RUFY1: variants seen among roughly 807,000 people sequenced by gnomAD.
RUFY1 encodes the protein RUN and FYVE domain-containing protein 1.
Under a neutral mutation model 94.6 loss-of-function variants are expected in RUFY1, and 54 were observed. The observed-to-expected ratio is 0.57, with a 90% CI of 0.46 to 0.72. The LOEUF (loss-of-function observed/expected upper bound fraction) is 0.72, where lower values mean the gene tolerates loss of function less well. Among genes scored for constraint, RUFY1 ranks in the 30% least tolerant of loss-of-function variants. RUFY1 has a pLI of 0.00. For missense variants in RUFY1, 883 were observed against 883.9 expected (o/e 1.00, Z 0.01); for synonymous variants, 396 against 347.3 (o/e 1.14, Z -1.56).
intron 11 of RUFY1, among the ~76,000 whole-genome samples, chr5:179,594,211 A>G (rs1009911446): frequency 1.3e-5 from 2 of 152,048 alleles, no homozygotes; most frequent in African/African-American, 4.8e-5. Flanking sequence ...CTGAGGCAGG[A>G]GAATTGCTTG....
At chr5:179,603,515 C>A (rs1375323689) in intron 15 of RUFY1, 1 of 152,732 alleles carries the variant, frequency 6.5e-6, no homozygotes, top group Admixed American at 6.5e-5. Flanking sequence ...CCTTCCCAAC[C>A]CCCAGGGAGC....
intron 7 of RUFY1, among the ~76,000 whole-genome samples, chr5:179,584,987 C>T (rs191000228): frequency 8.6e-5 from 13 of 151,864 alleles, no homozygotes; most frequent in African/African-American, 9.7e-5. Context: ...TACAATTAGC[C>T]GAGCATGTTG....
At chr5:179,572,289 G>T in intron 5 of RUFY1, 1 of 210,282 alleles carries the variant, frequency 4.8e-6, no homozygotes, top group Non-Finnish European at 1.0e-5. Context: ...TCTACCCTCT[G>T]GACTTCACTT....
At chr5:179,560,663 T>A (rs1762383924) in intron 2 of RUFY1, among the ~76,000 whole-genome samples, 2 of 145,044 alleles carry the variant, frequency 1.4e-5, no homozygotes, top group Non-Finnish European at 1.5e-5. Context: ...GAGGCGGAGG[T>A]TGCAGTGAGC....
At chr5:179,556,513 T>G (rs916712406) in intron 1 of RUFY1, among the ~76,000 whole-genome samples, 8 of 152,072 alleles carry the variant, frequency 5.3e-5, no homozygotes, top group Non-Finnish European at 1.0e-4. Context: ...TTGCGTTTTT[T>G]TTTTTTGAGA....
chr5:179,559,681 T>C (rs1334258517), intron 1 of RUFY1: 41 of 1,039,646 alleles, frequency 3.9e-5, no homozygotes, highest in Non-Finnish European at 4.6e-5. Context: ...GGTAGCGCCC[T>C]TCCATTGGTC....
intron 1 of RUFY1, among the ~76,000 whole-genome samples, chr5:179,558,780 G>T (rs986271484): frequency 5.9e-5 from 9 of 152,140 alleles, no homozygotes; most frequent in East Asian, 5.8e-4. Context: ...CAAGTTCACG[G>T]CCATAATATT....
At chr5:179,575,986 G>T (rs1763584059) in intron 5 of RUFY1, among the ~76,000 whole-genome samples, 1 of 152,034 alleles carries the variant, frequency 6.6e-6, no homozygotes, top group Non-Finnish European at 1.5e-5. Context: ...TCACTGTGTT[G>T]CCCAGGCTGG....
At chr5:179,579,661 T>TTC (rs1763952328) in intron 6 of RUFY1, among the ~76,000 whole-genome samples, 1 of 83,246 alleles carries the variant, frequency 1.2e-5, no homozygotes, top group Non-Finnish European at 2.3e-5. Flanking sequence ...CTTCTTCTTT[T>TTC]TTTTTTTTTT....
At chr5:179,580,070 T>C (rs1184610816) in intron 6 of RUFY1, among the ~76,000 whole-genome samples, 2 of 152,048 alleles carry the variant, frequency 1.3e-5, no homozygotes, top group Non-Finnish European at 2.9e-5. Context: ...TTCCACACTG[T>C]GGTATATTTT....
At chr5:179,592,485 C>T (rs1180748308) in intron 10 of RUFY1, among the ~76,000 whole-genome samples, 1 of 151,936 alleles carries the variant, frequency 6.6e-6, no homozygotes, top group Non-Finnish European at 1.5e-5. Context: ...AACTCCTGAC[C>T]TCGTGATCCA....
chr5:179,574,232 C>CA (rs1562002100), intron 5 of RUFY1, among the ~76,000 whole-genome samples: 1 of 151,816 alleles, frequency 6.6e-6, no homozygotes, highest in Non-Finnish European at 1.5e-5. Context: ...TGGTCTCTAC[C>CA]AAAAATACAA....
At position 179,582,792 on chromosome 5, in the gene RUFY1, G is replaced by A. The variant is rs952774805; in HGVS notation, c.956+1780G>A. Among the ~76,000 whole-genome samples the A allele has an allele frequency of 3.9e-5, 6 of 152,172 alleles. 1 individual carries two copies. The highest frequency in any genetic ancestry group is 3.4e-3 in the Middle Eastern group (1 of 294). On this transcript the variant is annotated intron_variant, in intron 7 of 17. Transcript: ENST00000319449. Reference sequence around the variant, plus strand: ...CGGGAGACGGAGGTTGCAGTGAGCCGAGATTGCACCATTGCACTCCAGCCT... The same window carrying A: ...CGGGAGACGGAGGTTGCAGTGAGCCAAGATTGCACCATTGCACTCCAGCCT...
At chr5:179,560,406 G>A (rs964387775) in intron 2 of RUFY1, among the ~76,000 whole-genome samples, 1 of 152,198 alleles carries the variant, frequency 6.6e-6, no homozygotes, top group African/African-American at 2.4e-5. Context: ...TAAAGTTTCT[G>A]GTAGCCAGGT....
At chr5:179,601,817 CAAAAAA>C (rs56169514) in intron 14 of RUFY1, 69 bp from the exon 15 acceptor site, 2,078 of 514,156 alleles carry the variant, frequency 4.0e-3, no homozygotes, top group East Asian at 7.3e-3. Context: ...GACCCTGTCT[CAAAAAA>C]AAAAAAAAAA....
intron 1 of RUFY1, among the ~76,000 whole-genome samples, chr5:179,553,872 G>C (rs548112521): frequency 6.6e-6 from 1 of 152,328 alleles, no homozygotes; most frequent in East Asian, 1.9e-4. Flanking sequence ...CTTACAAAGA[G>C]ATGAAATTTG....
chr5:179,606,414 AG>A (rs1767089530), intron 16 of RUFY1: 1 of 164,502 alleles, frequency 6.1e-6, no homozygotes, highest in African/African-American at 2.4e-5. Context: ...AGGAGTTTGC[AG>A]GTGGCCCGGT....
chr5:179,596,834 C>G (rs924931043), intron 13 of RUFY1, 153 bp downstream of exon 13: 2 of 1,037,464 alleles, frequency 1.9e-6, no homozygotes, highest in South Asian at 1.8e-5. Context: ...CTGCAGGGTT[C>G]GTATGTTATC....
intron 13 of RUFY1, chr5:179,598,433 G>C: frequency 4.0e-6 from 2 of 494,268 alleles, no homozygotes; most frequent in Non-Finnish European, 7.2e-6. Context: ...CTGCTTATGT[G>C]GTCTAAGTGT....
Sources: allele counts gnomAD v4.1 joint callset (sites outside exome capture counted in the v4.1 genomes callset), GRCh38; gene constraint gnomAD v4.1.1; transcripts MANE v1.5; gene names NCBI Gene and HGNC (gene_info 2026-07-23, HGNC 2026-07-21).